Variants in AFAP1 observed in about 807,000 individuals in gnomAD.
AFAP1 encodes the protein actin filament-associated protein 1.
AFAP1 carries 75 observed loss-of-function variants against 93.9 expected under a neutral mutation model. The ratio of observed to expected loss-of-function variants is 0.80; its 90% confidence interval spans 0.66 to 0.97. The LOEUF is 0.97. Ranked by LOEUF, AFAP1 falls within the 50% of genes least tolerant of loss-of-function variation. AFAP1 has a pLI of 0.00. For synonymous variants in AFAP1, 517 were observed against 430.7 expected, an observed-to-expected ratio of 1.20 and a Z score of -2.48; for missense variants, 1,201 against 1,050.8, an observed-to-expected ratio of 1.14 and a Z score of -1.98.
At chr4:7,918,876 G>A (rs1471120528) in intron 1 of AFAP1, among the ~76,000 whole-genome samples, 1 of 148,186 alleles carries the variant, frequency 6.7e-6, no homozygotes, top group African/African-American at 2.5e-5. Context: ...CAGGAAACAG[G>A]GCTGCCGGAA....
rs1718141220 is a variant in AFAP1, at chr4:7,793,945, G to A, written c.1267-119C>T. 2.6e-6 allele frequency: 3 copies of A among 1,166,230 alleles called. No homozygotes were observed. The African/African-American group carries it at 4.6e-5, about 18-fold the overall frequency. The allele number at this position is 1,166,230 out of a possible 1,614,324, so 72.2% of individuals were successfully genotyped here. A position where few individuals can be genotyped will look rare whatever the true frequency, so the allele number is the denominator to read the frequency against. On this transcript the variant is annotated intron_variant, in intron 10 of 17. Transcript: ENST00000420658. ...CGATGAAACATGATGTCCCTAAGAAGAAACGAAAAGGAAGATGGCTGAGCG... is the reference window on the plus strand; with the variant it reads ...CGATGAAACATGATGTCCCTAAGAAAAAACGAAAAGGAAGATGGCTGAGCG...
intron 6 of AFAP1, among the ~76,000 whole-genome samples, chr4:7,824,568 C>A (rs1721265515): frequency 6.6e-6 from 1 of 152,160 alleles, no homozygotes; most frequent in Non-Finnish European, 1.5e-5. Flanking sequence ...AAACACAGTT[C>A]TCATGGTTTT....
intron 10 of AFAP1, chr4:7,798,954 A>C (rs1577223240): frequency 4.1e-6 from 4 of 986,888 alleles, no homozygotes; most frequent in Non-Finnish European, 2.4e-6. Context: ...CTGCTGTCAG[A>C]GCTCTCATGG....
At chr4:7,876,884 C>G (rs577715626) in intron 1 of AFAP1, among the ~76,000 whole-genome samples, 1 of 152,318 alleles carries the variant, frequency 6.6e-6, no homozygotes, top group South Asian at 2.1e-4. Context: ...AAAGCTCCTC[C>G]TTTTTGGGAT....
At chr4:7,908,347 G>A (rs1376156485) in intron 1 of AFAP1, among the ~76,000 whole-genome samples, 3 of 152,166 alleles carry the variant, frequency 2.0e-5, no homozygotes, top group African/African-American at 7.2e-5. Context: ...GGCAGCCCTT[G>A]GCATCACACT....
At position 7,905,881 on chromosome 4, in the gene AFAP1, G is replaced by A. The variant is rs566475905; in HGVS notation, c.-3+33775C>T. ...ACATTTACCAAACAGCCTGCAGTGT[G>A]GAGGCAGGCATAAGGGGGCTCCATG... On this transcript the variant is annotated intron_variant, in intron 1 of 17. Coordinates refer to ENST00000420658, the MANE Select transcript of AFAP1 (RefSeq NM_001134647.2). Among the ~76,000 whole-genome samples the A allele has an allele frequency of 4.7e-4, 72 of 152,342 alleles. 1 individual carries two copies. The highest frequency in any genetic ancestry group is 1.7e-3 in the African/African-American group (70 of 41,580).
intron 1 of AFAP1, among the ~76,000 whole-genome samples, chr4:7,881,180 T>C (rs1717821532): frequency 1.3e-5 from 2 of 152,136 alleles, no homozygotes; most frequent in Admixed American, 6.5e-5. Context: ...ATGTGCATTT[T>C]CCCAATTTTC....
intron 2 of AFAP1, among the ~76,000 whole-genome samples, chr4:7,871,312 G>A (rs899091711): frequency 6.6e-6 from 1 of 152,218 alleles, no homozygotes; most frequent in African/African-American, 2.4e-5. Context: ...GACAAGGGTG[G>A]TTCACTGTGC....
At chr4:7,872,708 C>A (rs28437157) in intron 1 of AFAP1, among the ~76,000 whole-genome samples, 47,590 of 152,044 alleles carry the variant, frequency 0.31, 9,047 homozygotes, top group Non-Finnish European at 0.44. Context: ...AGATGATGAT[C>A]TTAGCCTCTG....
At chr4:7,883,157 G>A (rs931544901) in intron 1 of AFAP1, among the ~76,000 whole-genome samples, 1 of 130,646 alleles carries the variant, frequency 7.7e-6, no homozygotes. Flanking sequence ...CTGCACTCCA[G>A]CCTGGGCAAC....
Position 7,882,320 on chromosome 4 carries a change from T to C in AFAP1, c.-2-10240A>G, listed in dbSNP as rs570254009. Among the ~76,000 whole-genome samples, 120 of 151,582 alleles carry C rather than the reference T, an allele frequency of 7.9e-4. No homozygotes were observed. In the South Asian group the frequency reaches 8.3e-3, roughly 11 times the overall value. ...AGACCCAGGTAGTTTTACAGGGGAA[T>C]TCTACCAAACCTTAAACACCAAGGC... On this transcript the variant is annotated intron_variant, in intron 1 of 17. Transcript: ENST00000420658.
chr4:7,829,114 C>A (rs1415499028), intron 6 of AFAP1, among the ~76,000 whole-genome samples: 1 of 152,196 alleles, frequency 6.6e-6, no homozygotes, highest in African/African-American at 2.4e-5. Context: ...TCCCCTTCTG[C>A]CAAGATTGTA....
At chr4:7,917,114 C>G (rs530012223) in intron 1 of AFAP1, among the ~76,000 whole-genome samples, 4 of 152,340 alleles carry the variant, frequency 2.6e-5, no homozygotes, top group African/African-American at 9.6e-5. Context: ...TCACCCATAG[C>G]ACTGTTGTAA....
intron 1 of AFAP1, among the ~76,000 whole-genome samples, chr4:7,886,330 T>G (rs1160902358): frequency 1.3e-5 from 2 of 152,242 alleles, no homozygotes; most frequent in Non-Finnish European, 2.9e-5. Context: ...TACAGTAGTT[T>G]AATTTGCACC....
chr4:7,867,854 C>T lies in AFAP1; in HGVS notation c.225+768G>A, dbSNP rs1445468453. ...AGACTCTTGAGCACTGTGGCAGGCC[C>T]AGGCAGAGCGGGGGTGATCAAGAAA... On this transcript the variant is annotated intron_variant, in intron 3 of 17. Transcript: ENST00000420658. Among the ~76,000 whole-genome samples the T allele has an allele frequency of 2.6e-5, 4 of 151,722 alleles. No individual in the cohort carries two copies. In the East Asian group the frequency reaches 5.9e-4, roughly 22 times the overall value.
At chr4:7,904,555 A>G (rs1560229260) in intron 1 of AFAP1, among the ~76,000 whole-genome samples, 2 of 152,146 alleles carry the variant, frequency 1.3e-5, no homozygotes, top group African/African-American at 2.4e-5. Context: ...ATCCTGTAAG[A>G]TCAGTACCAT....
At chr4:7,854,923 T>C (rs942748855) in intron 4 of AFAP1, among the ~76,000 whole-genome samples, 2 of 152,172 alleles carry the variant, frequency 1.3e-5, no homozygotes, top group African/African-American at 2.4e-5. Context: ...TACTTCTGAG[T>C]GCTACCAGCA....
intron 11 of AFAP1, among the ~76,000 whole-genome samples, chr4:7,793,074 C>G (rs962019981): frequency 3.3e-5 from 5 of 152,132 alleles, no homozygotes; most frequent in Non-Finnish European, 7.3e-5. Flanking sequence ...GTGGACCATA[C>G]CAAGAACTGC....
chr4:7,791,567 A>G (rs1441128947), intron 11 of AFAP1, among the ~76,000 whole-genome samples: 3 of 152,140 alleles, frequency 2.0e-5, no homozygotes, highest in Non-Finnish European at 4.4e-5. Flanking sequence ...ACTTAAAAGT[A>G]GCATCGCGGG....
Sources: allele counts gnomAD v4.1 joint callset (sites outside exome capture counted in the v4.1 genomes callset), GRCh38; gene constraint gnomAD v4.1.1; transcripts MANE v1.5; gene names NCBI Gene and HGNC (gene_info 2026-07-23, HGNC 2026-07-21).